The following MYLK variants were observed in gnomAD, a reference collection of about 807,000 sequenced individuals.
The protein encoded by MYLK is myosin light chain kinase, smooth muscle.
A neutral mutation model predicts 203.4 loss-of-function variants in MYLK; 106 were observed. That is an observed-to-expected ratio of 0.52 (90% CI 0.45 to 0.61). The LOEUF is 0.61. Among genes scored for constraint, MYLK ranks in the 20% least tolerant of loss-of-function variants. The probability of loss-of-function intolerance (pLI) is 0.00; values close to 1 mark genes in which losing one functional copy is unlikely to be tolerated. For synonymous variants in MYLK, 867 were observed against 959.5 expected, an observed-to-expected ratio of 0.90 and a Z score of 1.78; for missense variants, 2,072 against 2,442.3, an observed-to-expected ratio of 0.85 and a Z score of 3.20.
chr3:123,749,871 T>C (rs1201612875), intron 5 of MYLK, among the ~76,000 whole-genome samples: 2 of 152,248 alleles, frequency 1.3e-5, no homozygotes, highest in Non-Finnish European at 2.9e-5. Flanking sequence ...CCTCCTAAAC[T>C]TGACCACTAA....
rs75370906 is a variant in MYLK at position 123,700,215 on chromosome 3, T to C, written c.3253A>G (p.Thr1085Ala). 0.011 allele frequency: 17,994 copies of C among 1,613,864 alleles called. 1,602 individuals are homozygous for C. In the African/African-American group the frequency reaches 0.2, roughly 18 times the overall value. The change falls in exon 18 of 34, where the codon ACA (threonine) becomes GCA (alanine). Residue 1085 changes from threonine (T) to alanine (A), a missense_variant. Physicochemically the swap from Thr to Ala is moderately conservative, Grantham distance 58. Transcript: ENST00000360304. ...VNCKRGHAGT[T>A]DNEKRSESQG... ...CTCTCTGATCTCTTTTCATTATCTG[T>C]GGTCCCTGCATGGCCTCTCTTGCAG...
At chr3:123,871,068 A>G (rs2032752803) in intron 2 of MYLK, among the ~76,000 whole-genome samples, 1 of 151,708 alleles carries the variant, frequency 6.6e-6, no homozygotes, top group Non-Finnish European at 1.5e-5. Context: ...CCTCCTTCCC[A>G]TTGGTCCCAC....
At chr3:123,627,334 C>T (rs1335320237) in intron 30 of MYLK, among the ~76,000 whole-genome samples, 4 of 152,182 alleles carry the variant, frequency 2.6e-5, no homozygotes, top group Non-Finnish European at 5.9e-5. Flanking sequence ...CCTCCTGCCA[C>T]CCTGTCTGGA....
At chr3:123,805,134 T>G (rs2065325136) in intron 3 of MYLK, among the ~76,000 whole-genome samples, 1 of 152,144 alleles carries the variant, frequency 6.6e-6, no homozygotes, top group Non-Finnish European at 1.5e-5. Flanking sequence ...GAGCTTCCAT[T>G]ACTGAAAGGC....
At chr3:123,837,870 C>A (rs768208820) in intron 2 of MYLK, among the ~76,000 whole-genome samples, 20 of 151,184 alleles carry the variant, frequency 1.3e-4, no homozygotes, top group African/African-American at 4.1e-4. Flanking sequence ...CAAACTAAAA[C>A]ACAAAGAAAT....
At chr3:123,625,382 T>C (rs749673758) in intron 31 of MYLK, 1 of 152,098 alleles carries the variant, frequency 6.6e-6, no homozygotes, top group Non-Finnish European at 1.5e-5. Context: ...TCCTCTCAAT[T>C]GCTTGAACCT....
chr3:123,670,886 G>A (rs1458112855), intron 20 of MYLK, among the ~76,000 whole-genome samples: 1 of 152,252 alleles, frequency 6.6e-6, no homozygotes, highest in Non-Finnish European at 1.5e-5. Flanking sequence ...CTGTTAGACA[G>A]TGCTGGCCTC....
chr3:123,733,552 G>A, intron 10 of MYLK, 135 bp downstream of exon 10: 1 of 1,062,766 alleles, frequency 9.4e-7, no homozygotes, highest in East Asian at 2.4e-5. Context: ...GCCCTTGTAA[G>A]GTGGTTTTCT....
chr3:123,788,439 G>A (rs2064631883), intron 4 of MYLK, among the ~76,000 whole-genome samples: 1 of 148,254 alleles, frequency 6.7e-6, no homozygotes, highest in South Asian at 2.1e-4. Context: ...TGCACAATGT[G>A]CAGGTTAGTT....
intron 2 of MYLK, among the ~76,000 whole-genome samples, chr3:123,838,523 A>T (rs2066522458): frequency 6.6e-6 from 1 of 152,212 alleles, no homozygotes; most frequent in Non-Finnish European, 1.5e-5. Context: ...TAAAATGTTT[A>T]ATTGCTCTAA....
chr3:123,879,205 G>A (rs1386248371), intron 1 of MYLK, among the ~76,000 whole-genome samples: 2 of 152,162 alleles, frequency 1.3e-5, no homozygotes, highest in South Asian at 2.1e-4. Context: ...ATTTTTGATC[G>A]AGTATAAAAT....
chr3:123,662,631 G>C (rs1300977829), intron 23 of MYLK, among the ~76,000 whole-genome samples: 6 of 152,226 alleles, frequency 3.9e-5, no homozygotes, highest in African/African-American at 7.2e-5. Flanking sequence ...ACTTCCATAA[G>C]AGAGATTCCA....
In MYLK at chr3:123,629,770, C is replaced by G; in HGVS notation, c.4962-144G>C. ...TGTGGGCCTTGCACCTGCCTTTCTT[C>G]CACTTGTGGAAAGAAAAGAGGGTGT... On this transcript the variant is annotated intron_variant, in intron 29 of 33. Transcript: ENST00000360304. The surrounding 1 kb of genome is among the most constrained non-coding windows in gnomAD (Gnocchi z 4.4). The G allele has an allele frequency of 1.2e-6, 1 of 804,372 alleles. No individual in the cohort carries two copies. Among genetic ancestry groups the G allele is most frequent in the Non-Finnish European group, 2.0e-6 (1 of 496,526 alleles). The allele number at this position is 804,372 out of a possible 1,614,324, so 49.8% of individuals were successfully genotyped here.
intron 4 of MYLK, among the ~76,000 whole-genome samples, chr3:123,766,552 C>T (rs1213929255): frequency 1.3e-5 from 2 of 152,208 alleles, no homozygotes; most frequent in Admixed American, 6.5e-5. Flanking sequence ...CTGGGGCTGG[C>T]GCCCAAGGGT....
At chr3:123,727,428 T>C (rs1277753527) in intron 11 of MYLK, among the ~76,000 whole-genome samples, 2 of 152,222 alleles carry the variant, frequency 1.3e-5, no homozygotes, top group Non-Finnish European at 2.9e-5. Flanking sequence ...ATGCTCTCTT[T>C]TACAAGGCAT....
At position 123,648,199 on chromosome 3, in the gene MYLK, T is replaced by C. The variant is rs1329733051; in HGVS notation, c.4415+772A>G. On this transcript the variant is annotated intron_variant, in intron 26 of 33. Coordinates refer to ENST00000360304, the MANE Select transcript of MYLK (RefSeq NM_053025.4). This position sits in a 1 kb window ranked among gnomAD's most constrained non-coding sequence, Gnocchi z 4.5. The stretch of plus-strand genomic sequence containing the variant: ...ACTCCTTTCTCTCCCACCTCTTCTA[T>C]TCCTCCAGGGACAGCGTAAGGGCAG... Among the ~76,000 whole-genome samples the C allele has an allele frequency of 6.6e-6, 1 of 152,222 alleles. No individual in the cohort carries two copies. Among genetic ancestry groups the C allele is most frequent in the African/African-American group, 2.4e-5 (1 of 41,460 alleles).
At chr3:123,874,175 A>G (rs796446480) in intron 2 of MYLK, among the ~76,000 whole-genome samples, 10 of 152,266 alleles carry the variant, frequency 6.6e-5, no homozygotes, top group African/African-American at 2.4e-4. Context: ...AGGCCAAAAA[A>G]TCTGTAATAG....
At chr3:123,661,673 T>G (rs961669063) in intron 23 of MYLK, among the ~76,000 whole-genome samples, 2 of 151,988 alleles carry the variant, frequency 1.3e-5, no homozygotes, top group Non-Finnish European at 2.9e-5. Flanking sequence ...TGACGGACAC[T>G]GAGAAATGGC....
rs774808052 is a variant in MYLK, at chr3:123,738,918, T to C, written c.567A>G (p.Gln189=). 1.2e-5 allele frequency: 20 copies of C among 1,611,810 alleles called. No homozygotes were observed. The East Asian group carries it at 4.0e-4, about 32-fold the overall frequency. ...RFSCKITGRP[Q]PQVTWLKGNV... Reference sequence around the variant, plus strand: ...TCACCTTGAGCCAGGTGACCTGCGGTTGGGGCCGGCCAGTGATCTTGCAGG... The same window carrying C: ...TCACCTTGAGCCAGGTGACCTGCGGCTGGGGCCGGCCAGTGATCTTGCAGG... Residue 189 remains glutamine (Q), a synonymous_variant, in exon 7 of 34, where the codon CAA becomes CAG. Transcript: ENST00000360304.
Sources: allele counts gnomAD v4.1 joint callset (sites outside exome capture counted in the v4.1 genomes callset), GRCh38; gene constraint gnomAD v4.1.1; non-coding constraint Gnocchi (gnomAD v3.1); transcripts MANE v1.5; gene names NCBI Gene and HGNC (gene_info 2026-07-23, HGNC 2026-07-21).